The following CYRIA variants were observed in gnomAD, a reference collection of about 807,000 sequenced individuals.
The protein encoded by CYRIA is CYFIP-related Rac1 interactor A.
CYRIA carries 15 observed loss-of-function variants against 43.9 expected under a neutral mutation model. The observed-to-expected ratio is 0.34, with a 90% confidence interval of 0.23 to 0.53. The LOEUF is 0.53. Ranked by LOEUF, CYRIA falls within the 20% of genes least tolerant of loss-of-function variation. CYRIA has a pLI of 0.94. For missense variants in CYRIA, 236 were observed against 394.2 expected (o/e 0.60, Z 3.40); for synonymous variants, 117 against 136.0 (o/e 0.86, Z 0.97).
Position 16,612,871 on chromosome 2 carries a change from T to C in CYRIA, c.-11+10993A>G, listed in dbSNP as rs539312225. 9.9e-5 allele frequency among the ~76,000 whole-genome samples: 15 copies of C among 152,264 alleles called. No individual in the cohort carries two copies. In the East Asian group the frequency reaches 2.9e-3, roughly 29 times the overall value. On this transcript the variant is annotated intron_variant, in intron 2 of 11. Transcript: ENST00000381323. ...ATCCCGACATGTCGTGGGAGGGACC[T>C]GGTGGGAGGTAATTGAATCATGGTG... is the stretch of plus-strand genomic sequence containing the variant.
At chr2:16,555,249 A>G in intron 10 of CYRIA, 110 bp from the exon 11 acceptor site, 1 of 1,048,956 alleles carries the variant, frequency 9.5e-7, no homozygotes, top group Non-Finnish European at 1.4e-6. Flanking sequence ...TCCCATAGAA[A>G]TCCAACGCAG....
intron 2 of CYRIA, among the ~76,000 whole-genome samples, chr2:16,593,792 T>C (rs1339715402): frequency 1.4e-5 from 2 of 144,154 alleles, no homozygotes; most frequent in Non-Finnish European, 3.0e-5. Context: ...TAGTTACATA[T>C]GTATACATGT....
At chr2:16,655,317 C>G (rs1326744132) in intron 1 of CYRIA, among the ~76,000 whole-genome samples, 3 of 152,168 alleles carry the variant, frequency 2.0e-5, no homozygotes, top group Non-Finnish European at 4.4e-5. Flanking sequence ...CCAGGAATGG[C>G]TTTAGACTTC....
At position 16,564,026 on chromosome 2, in the gene CYRIA, CACA is replaced by C; in HGVS notation, c.258_260del (p.Val87del). On this transcript the variant is annotated inframe_deletion, in exon 5 of 12. Coordinates refer to ENST00000381323, the MANE Select transcript of CYRIA (RefSeq NM_030797.4). ...AAAACTCGTAAAATCTCTTTAGCCT[CACA>C]ACAAGAGGGCACACCGCATTCCAAG... 6.2e-7 allele frequency: 1 copy of C among 1,613,494 alleles called. No homozygotes were observed. Among genetic ancestry groups the C allele is most frequent in the Non-Finnish European group, 8.5e-7 (1 of 1,179,690 alleles).
intron 2 of CYRIA, among the ~76,000 whole-genome samples, chr2:16,592,169 C>T (rs1211140491): frequency 6.6e-6 from 1 of 152,036 alleles, no homozygotes; most frequent in African/African-American, 2.4e-5. Context: ...TCACTGGACT[C>T]CAGATTTTTG....
chr2:16,553,539 T>C (rs143352350), intron 11 of CYRIA, among the ~76,000 whole-genome samples: 1 of 152,276 alleles, frequency 6.6e-6, no homozygotes, highest in East Asian at 1.9e-4. Flanking sequence ...AATTAACATG[T>C]AATAAAACTT....
At chr2:16,554,955 A>G (rs923929975) in intron 11 of CYRIA, 114 bp downstream of exon 11, 1 of 631,590 alleles carries the variant, frequency 1.6e-6, no homozygotes, top group Non-Finnish European at 2.7e-6. Context: ...GGAAGATTCA[A>G]TGTGTTAAAA....
At chr2:16,661,429 T>G (rs1215117754) in intron 1 of CYRIA, among the ~76,000 whole-genome samples, 1 of 152,238 alleles carries the variant, frequency 6.6e-6, no homozygotes, top group Non-Finnish European at 1.5e-5. Context: ...AATCTTGGCC[T>G]GCTTAAAGGT....
At chr2:16,616,708 A>G (rs1395239777) in intron 2 of CYRIA, among the ~76,000 whole-genome samples, 1 of 152,250 alleles carries the variant, frequency 6.6e-6, no homozygotes, top group East Asian at 1.9e-4. Context: ...TTCTAATAGA[A>G]AATTCAACCG....
rs139544808 is a variant in CYRIA, at chr2:16,572,161, C to T, written c.71-6394G>A. Among the ~76,000 whole-genome samples, 21 of 152,218 alleles carry T rather than the reference C, an allele frequency of 1.4e-4. No individual in the cohort carries two copies. The East Asian group carries it at 4.1e-3, about 29-fold the overall frequency. On this transcript the variant is annotated intron_variant, in intron 3 of 11. Coordinates refer to ENST00000381323, the MANE Select transcript of CYRIA (RefSeq NM_030797.4). ...TTTTTGAGACCAGGTTTCACTGCCA[C>T]TCAATATTAGACCTCAGGGCAAGCC...
intron 3 of CYRIA, among the ~76,000 whole-genome samples, chr2:16,572,694 T>C (rs1269314860): frequency 1.3e-5 from 2 of 152,216 alleles, no homozygotes; most frequent in Non-Finnish European, 2.9e-5. Flanking sequence ...TACAATGATT[T>C]GAAGACTTTA....
chr2:16,583,974 C>T (rs532580978), intron 3 of CYRIA, among the ~76,000 whole-genome samples: 2 of 152,000 alleles, frequency 1.3e-5, no homozygotes, highest in Non-Finnish European at 2.9e-5. Flanking sequence ...TCTGTCTGAC[C>T]CAGTTCAATT....
chr2:16,660,716 A>T lies in CYRIA; in HGVS notation c.-167+5064T>A, dbSNP rs557163131. On this transcript the variant is annotated intron_variant, in intron 1 of 11. Coordinates refer to ENST00000381323, the MANE Select transcript of CYRIA (RefSeq NM_030797.4). Reference sequence around the variant, plus strand: ...GCACTCCATTTCCCCAGTTTCATTTAAAAAATCTAATTATCTATGCCATAC... The same window carrying T: ...GCACTCCATTTCCCCAGTTTCATTTTAAAAATCTAATTATCTATGCCATAC... Among the ~76,000 whole-genome samples, 4 of 152,344 alleles carry T rather than the reference A, an allele frequency of 2.6e-5. No homozygotes were observed. In the East Asian group the frequency reaches 5.8e-4, roughly 22 times the overall value.
intron 3 of CYRIA, among the ~76,000 whole-genome samples, chr2:16,572,831 A>T (rs543022383): frequency 6.6e-6 from 1 of 151,028 alleles, no homozygotes; most frequent in Non-Finnish European, 1.5e-5. Flanking sequence ...TTCAAGAAAC[A>T]TTTCTTTAGT....
At position 16,616,315 on chromosome 2, in the gene CYRIA, A is replaced by G. The variant is rs1010621654; in HGVS notation, c.-11+7549T>C. Among the ~76,000 whole-genome samples, 6 of 152,200 alleles carry G rather than the reference A, an allele frequency of 3.9e-5. 1 individual carries two copies. The highest frequency in any genetic ancestry group is 3.9e-4 in the Admixed American group (6 of 15,284). On this transcript the variant is annotated intron_variant, in intron 2 of 11. Coordinates refer to ENST00000381323, the MANE Select transcript of CYRIA (RefSeq NM_030797.4). ...AACTTACTGCTCACACTAGCACCAAAAACTCTTTGTTGAACAATTCCTCTC... is the reference window on the plus strand; with the variant it reads ...AACTTACTGCTCACACTAGCACCAAGAACTCTTTGTTGAACAATTCCTCTC...
rs554314727 is a variant in CYRIA at position 16,576,778 on chromosome 2, A to C, written c.71-11011T>G. On this transcript the variant is annotated intron_variant, in intron 3 of 11. Transcript: ENST00000381323. The stretch of plus-strand genomic sequence containing the variant: ...AAAGTATTGAGTTGTTTCCATTTAA[A>C]ATAAACAGATAAAGGAAATGTAGAC... 1.7e-3 allele frequency among the ~76,000 whole-genome samples: 259 copies of C among 152,324 alleles called. 1 individual carries two copies. The Middle Eastern group carries it at 0.027, about 16-fold the overall frequency.
chr2:16,611,776 T>TG (rs1204725737), intron 2 of CYRIA, among the ~76,000 whole-genome samples: 2 of 65,914 alleles, frequency 3.0e-5, no homozygotes, highest in South Asian at 4.5e-4. Flanking sequence ...GGGGCGGAGG[T>TG]GGGGGGGTGG....
intron 1 of CYRIA, among the ~76,000 whole-genome samples, chr2:16,664,920 G>C (rs1670349716): frequency 6.6e-6 from 1 of 152,152 alleles, no homozygotes; most frequent in South Asian, 2.1e-4. Context: ...ATCAGTTCTG[G>C]ACCTGGCACC....
At chr2:16,576,907 C>T (rs1281397444) in intron 3 of CYRIA, among the ~76,000 whole-genome samples, 1 of 152,062 alleles carries the variant, frequency 6.6e-6, no homozygotes, top group Non-Finnish European at 1.5e-5. Flanking sequence ...GCAAAATAAA[C>T]AAGTAACAGC....
Sources: gnomAD v4.1 joint callset for allele counts (sites outside exome capture counted in the v4.1 genomes callset) on GRCh38, gnomAD v4.1.1 for gene constraint, MANE v1.5 for transcripts, NCBI Gene and HGNC (gene_info 2026-07-23, HGNC 2026-07-21) for gene names.